THAP4: variants seen among roughly 807,000 people sequenced by gnomAD.
The protein encoded by THAP4 is THAP domain containing 4.
A neutral mutation model predicts 48.1 loss-of-function variants in THAP4; 18 were observed. The observed-to-expected ratio is 0.37, with a 90% confidence interval of 0.26 to 0.56. The LOEUF (loss-of-function observed/expected upper bound fraction) is 0.56, where lower values mean the gene tolerates loss of function less well. Among genes scored for constraint, THAP4 ranks in the 20% least tolerant of loss-of-function variants. The pLI, the probability that THAP4 is intolerant of heterozygous loss-of-function variation, is 0.78. For missense variants in THAP4, 656 were observed against 774.9 expected (o/e 0.85, Z 1.82); for synonymous variants, 345 against 324.9 (o/e 1.06, Z -0.66).
chr2:241,612,499 A>G lies in THAP4; in HGVS notation c.1241-6026T>C, dbSNP rs1177831225. On this transcript the variant is annotated intron_variant, in intron 2 of 5. Transcript: ENST00000407315. This position sits in a 1 kb window ranked among gnomAD's most constrained non-coding sequence, Gnocchi z 4.1. ...GAATGTTTACAGCAGCACCATTCCC[A>G]ACAGCCCCAAAGTGGAAACAACACA... 6.6e-6 allele frequency among the ~76,000 whole-genome samples: 1 copy of G among 152,212 alleles called. No homozygotes were observed. Among genetic ancestry groups the G allele is most frequent in the Non-Finnish European group, 1.5e-5 (1 of 68,038 alleles).
At chr2:241,619,750 G>C (rs1194208060) in intron 2 of THAP4, among the ~76,000 whole-genome samples, 8 of 140,180 alleles carry the variant, frequency 5.7e-5, no homozygotes, top group Non-Finnish European at 9.4e-5. Flanking sequence ...TGAGGGGTGA[G>C]TGAGTTGGTG....
chr2:241,636,895 C>G, intron 1 of THAP4, 46 bp downstream of exon 1: 1 of 1,111,618 alleles, frequency 9.0e-7, no homozygotes, highest in Non-Finnish European at 1.1e-6. Context: ...AGTTTCCCCG[C>G]AGGGCCGGGT....
At chr2:241,617,598 GAC>G in intron 2 of THAP4, 1 of 808,088 alleles carries the variant, frequency 1.2e-6, no homozygotes, top group South Asian at 1.7e-5. Flanking sequence ...GAAAGTAAAA[GAC>G]AATGACAGCC....
intron 5 of THAP4, among the ~76,000 whole-genome samples, chr2:241,596,424 T>C (rs1400196204): frequency 6.8e-6 from 1 of 148,058 alleles, no homozygotes; most frequent in African/African-American, 2.5e-5. Context: ...GGAGAACCAC[T>C]TGAACCTGGG....
chr2:241,627,324 A>G (rs997099115), intron 2 of THAP4, among the ~76,000 whole-genome samples: 14 of 152,272 alleles, frequency 9.2e-5, no homozygotes, highest in African/African-American at 3.4e-4. Context: ...CAAGTGTTAA[A>G]TTGCTGAACT....
chr2:241,611,267 C>T (rs1433580439), intron 2 of THAP4, among the ~76,000 whole-genome samples: 5 of 152,138 alleles, frequency 3.3e-5, no homozygotes, highest in African/African-American at 4.8e-5. Flanking sequence ...TTCTGGCCCC[C>T]GCTCTGCCAC....
At chr2:241,590,244 T>A (rs71430346) in intron 5 of THAP4, among the ~76,000 whole-genome samples, 23 of 72,392 alleles carry the variant, frequency 3.2e-4, no homozygotes, top group South Asian at 1.8e-3. Context: ...ACTAGGACAC[T>A]CAGAGCTGCT....
Position 241,619,499 on chromosome 2 carries a change from T to C in THAP4, c.1241-13026A>G, listed in dbSNP as rs149432573. Among the ~76,000 whole-genome samples, 352 of 152,362 alleles carry C rather than the reference T, an allele frequency of 2.3e-3. 9 individuals are homozygous for C. The East Asian group carries it at 0.056, about 24-fold the overall frequency. ...CACCCCAGTGTGTTACTGAATACTG[T>C]AGGCAGTTGTAACACAGTGCCAAGG... On this transcript the variant is annotated intron_variant, in intron 2 of 5. Coordinates refer to ENST00000407315, the MANE Select transcript of THAP4 (RefSeq NM_015963.6).
rs925682963 is a variant in THAP4, at chr2:241,612,733, C to T, written c.1241-6260G>A. ...AACACACACATCTACAGAGACAGAA[C>T]GTGGGTCAGTGTTTCTCCACAGCTG... On this transcript the variant is annotated intron_variant, in intron 2 of 5. Coordinates refer to ENST00000407315, the MANE Select transcript of THAP4 (RefSeq NM_015963.6). This position sits in a 1 kb window ranked among gnomAD's most constrained non-coding sequence, Gnocchi z 4.1. Among the ~76,000 whole-genome samples, 5 of 152,202 alleles carry T rather than the reference C, an allele frequency of 3.3e-5. No homozygotes were observed. The highest frequency in any genetic ancestry group is 5.9e-5 in the Non-Finnish European group (4 of 68,042).
chr2:241,585,994 G>A (rs143499572), intron 5 of THAP4, among the ~76,000 whole-genome samples: 1,897 of 150,628 alleles, frequency 0.013, 35 homozygotes, highest in African/African-American at 0.041. Flanking sequence ...GGTGGTTCAC[G>A]CCTGTAATCC....
chr2:241,636,942 T>A lies in THAP4; in HGVS notation c.76A>T (p.Arg26Trp). Residue 26 changes from arginine (R) to tryptophan (W), a missense_variant and splice_region_variant, in exon 1 of 6, where the codon AGG becomes TGG. By Grantham distance (101) the Arg-to-Trp change is moderately radical. Around this residue, in one of 4 missense-constraint regions of THAP4, gnomAD observed 59 missense variants for 45.8 expected, o/e 1.29. Coordinates refer to ENST00000407315, the MANE Select transcript of THAP4 (RefSeq NM_015963.6). ...CGTGGCGGCCCGGGGCCCGCGTACC[T>A]GTGGAAGGAGACGGCGCGCTTCTCG... ...KGEKRAVSFH[R>W]FPLKDSKRLI... 7.8e-7 allele frequency: 1 copy of A among 1,281,426 alleles called. No individual in the cohort carries two copies. The highest frequency in any genetic ancestry group is 1.0e-6 in the Non-Finnish European group (1 of 990,088). The allele number at this position is 1,281,426 out of a possible 1,614,324, so 79.4% of individuals were successfully genotyped here.
chr2:241,614,553 G>T (rs887312158), intron 2 of THAP4, among the ~76,000 whole-genome samples: 7 of 152,138 alleles, frequency 4.6e-5, no homozygotes, highest in Non-Finnish European at 8.8e-5. Context: ...AATTAATAAG[G>T]TAGTTCTGAC....
chr2:241,619,913 A>G (rs1356207365), intron 2 of THAP4, among the ~76,000 whole-genome samples: 14 of 31,258 alleles, frequency 4.5e-4, no homozygotes, highest in South Asian at 1.5e-3. Context: ...TGAGGGGTGA[A>G]TGAGGGGTGA....
chr2:241,623,886 T>G (rs2067464514), intron 2 of THAP4, among the ~76,000 whole-genome samples: 1 of 152,216 alleles, frequency 6.6e-6, no homozygotes, highest in African/African-American at 2.4e-5. Flanking sequence ...TGTGGCCACA[T>G]GCAGGTCTTT....
chr2:241,594,071 A>G (rs947009278), intron 5 of THAP4, among the ~76,000 whole-genome samples: 1 of 152,210 alleles, frequency 6.6e-6, no homozygotes, highest in Non-Finnish European at 1.5e-5. Context: ...CACATCACCA[A>G]TGGAATAATT....
intron 2 of THAP4, among the ~76,000 whole-genome samples, chr2:241,622,650 A>C (rs1487948086): frequency 6.6e-6 from 1 of 151,994 alleles, no homozygotes; most frequent in South Asian, 2.1e-4. Context: ...CCCAGGCTGG[A>C]GTGCAGTGGC....
intron 5 of THAP4, among the ~76,000 whole-genome samples, chr2:241,590,288 G>T (rs202095505): frequency 3.5e-5 from 1 of 28,836 alleles, no homozygotes. Context: ...GACACTCAGA[G>T]CTGCCCGGCT....
intron 2 of THAP4, among the ~76,000 whole-genome samples, chr2:241,631,950 C>CA (rs1222445929): frequency 6.7e-6 from 1 of 149,164 alleles, no homozygotes; most frequent in Non-Finnish European, 1.5e-5. Flanking sequence ...CGCAGGCTGA[C>CA]AAAGAGTAGT....
At position 241,633,296 on chromosome 2, in the gene THAP4, T is replaced by C. The variant is rs760546356; in HGVS notation, c.861A>G (p.Ser287=). The C allele has an allele frequency of 6.2e-7, 1 of 1,612,124 alleles. No homozygotes were observed. Among genetic ancestry groups the C allele is most frequent in the South Asian group, 1.1e-5 (1 of 91,078 alleles). Reference sequence around the variant, plus strand: ...GCTTCTGCGGTGTCGCGGTAAGTGATGAGCTGGGAGGGCTCTGGGCCAGGC... The same window carrying C: ...GCTTCTGCGGTGTCGCGGTAAGTGACGAGCTGGGAGGGCTCTGGGCCAGGC... ...DKGLAQSPPS[S]SLTATPQKPS... The change falls in exon 2 of 6, where the codon TCA becomes TCG. Residue 287 remains serine (S), a synonymous_variant. Transcript: ENST00000407315. The surrounding 1 kb of genome is among the most constrained non-coding windows in gnomAD (Gnocchi z 7.5).
Sources: gnomAD v4.1 joint callset for allele counts (sites outside exome capture counted in the v4.1 genomes callset) on GRCh38, gnomAD v4.1.1 for gene constraint, gnomAD v4.1.1 regional missense constraint, Gnocchi (gnomAD v3.1) non-coding constraint, MANE v1.5 for transcripts, NCBI Gene and HGNC (gene_info 2026-07-23, HGNC 2026-07-21) for gene names.